ESRRG: variants seen among roughly 807,000 people sequenced by gnomAD.
ESRRG encodes the protein estrogen-related receptor gamma.
ESRRG carries 13 observed loss-of-function variants against 44.0 expected under a neutral mutation model. That is an observed-to-expected ratio of 0.30 (90% CI 0.19 to 0.47). The LOEUF (loss-of-function observed/expected upper bound fraction) is 0.47, where lower values mean the gene tolerates loss of function less well. Ranked by LOEUF, ESRRG falls within the 20% of genes least tolerant of loss-of-function variation. ESRRG has a pLI of 1.00. For synonymous variants in ESRRG, 215 were observed against 214.6 expected (o/e 1.00, Z -0.02); for missense variants, 395 against 580.6 (o/e 0.68, Z 3.29).
At chr1:216,797,055 C>G (rs1031972348) in intron 2 of ESRRG, among the ~76,000 whole-genome samples, 14 of 151,968 alleles carry the variant, frequency 9.2e-5, no homozygotes, top group African/African-American at 3.4e-4. Flanking sequence ...TCACACCTGG[C>G]TAATTTTTGT....
At chr1:216,740,117 C>G (rs1267800494) in intron 2 of ESRRG, among the ~76,000 whole-genome samples, 1 of 152,156 alleles carries the variant, frequency 6.6e-6, no homozygotes, top group Non-Finnish European at 1.5e-5. Context: ...TTTTATCTGG[C>G]TACAGTCCTA....
chr1:216,704,411 G>GGA (rs1175106025), intron 1 of ESRRG, among the ~76,000 whole-genome samples: 3 of 152,102 alleles, frequency 2.0e-5, no homozygotes, highest in Non-Finnish European at 4.4e-5. Flanking sequence ...CAGCTAGTTG[G>GGA]GAGACTGAGG....
intron 2 of ESRRG, among the ~76,000 whole-genome samples, chr1:216,658,279 C>T (rs934867081): frequency 9.9e-5 from 15 of 152,084 alleles, no homozygotes; most frequent in Non-Finnish European, 7.4e-5. Flanking sequence ...AATTACTTAG[C>T]CTTGATTTTT....
rs191739992 is a variant in ESRRG, at chr1:216,675,804, A to G, written c.472+1272T>C. Among the ~76,000 whole-genome samples the G allele has an allele frequency of 8.3e-4, 127 of 152,360 alleles. 1 individual carries two copies. The highest frequency in any genetic ancestry group is 3.0e-3 in the African/African-American group (126 of 41,584). On this transcript the variant is annotated intron_variant, in intron 2 of 6. Coordinates refer to ENST00000408911, the MANE Select transcript of ESRRG (RefSeq NM_001438.4). ...ACTGCACTTTGAGAACTGTTGGCAA[A>G]TAATACAACACAGTACAGTGCAGTG... is the stretch of plus-strand genomic sequence containing the variant.
intron 1 of ESRRG, among the ~76,000 whole-genome samples, chr1:216,987,178 C>G (rs1579097307): frequency 6.6e-6 from 1 of 152,154 alleles, no homozygotes; most frequent in Non-Finnish European, 1.5e-5. Flanking sequence ...TAAAATTTGT[C>G]ATGATTTTCT....
chr1:216,686,142 T>C (rs2077897473), intron 1 of ESRRG: 1 of 152,148 alleles, frequency 6.6e-6, no homozygotes, highest in African/African-American at 2.4e-5. Flanking sequence ...TCTTGGGTGA[T>C]CTATAGCAGA....
intron 1 of ESRRG, among the ~76,000 whole-genome samples, chr1:216,709,341 G>GCGTA (rs1559346901): frequency 2.3e-5 from 1 of 42,770 alleles, no homozygotes; most frequent in Non-Finnish European, 4.9e-5. Context: ...GTGTGTGTGT[G>GCGTA]TGTATATATA....
At chr1:216,694,436 C>T (rs1235997090) in intron 1 of ESRRG, among the ~76,000 whole-genome samples, 2 of 151,972 alleles carry the variant, frequency 1.3e-5, no homozygotes, top group African/African-American at 4.8e-5. Context: ...TATCACACTA[C>T]CTAGATTAGA....
At chr1:216,640,523 G>T (rs185453494) in intron 3 of ESRRG, among the ~76,000 whole-genome samples, 1 of 151,778 alleles carries the variant, frequency 6.6e-6, no homozygotes, top group Non-Finnish European at 1.5e-5. Context: ...GAGAGAAAGC[G>T]AGAGAGGACG....
intron 1 of ESRRG, among the ~76,000 whole-genome samples, chr1:216,969,249 G>A (rs979329333): frequency 2.6e-5 from 4 of 152,122 alleles, no homozygotes; most frequent in African/African-American, 9.7e-5. Flanking sequence ...GAGAATAAAT[G>A]TAAACATAGA....
chr1:216,907,774 T>C (rs531117246), intron 2 of ESRRG, among the ~76,000 whole-genome samples: 1 of 152,142 alleles, frequency 6.6e-6, no homozygotes, highest in South Asian at 2.1e-4. Flanking sequence ...GAGTGTTTGA[T>C]CAGAACAATG....
intron 3 of ESRRG, among the ~76,000 whole-genome samples, chr1:216,604,930 C>T (rs906116045): frequency 6.6e-6 from 1 of 152,164 alleles, no homozygotes; most frequent in African/African-American, 2.4e-5. Context: ...TATTGAAACT[C>T]TAGCCCTCTG....
At chr1:216,970,695 T>C (rs532832231) in intron 1 of ESRRG, among the ~76,000 whole-genome samples, 2 of 152,334 alleles carry the variant, frequency 1.3e-5, no homozygotes, top group Non-Finnish European at 2.9e-5. Context: ...TTTAGAAGTT[T>C]TGACCATCTA....
rs191957639 is a variant in ESRRG at position 216,971,271 on chromosome 1, T to A, written c.-105-31598A>T. ...AGAATCAAAGTGAGATCTATAAGAA[T>A]CATTAGTAATTGGAATGTCCACATT... On this transcript the variant is annotated intron_variant, in intron 1 of 7. Transcript: ENST00000359162. Among the ~76,000 whole-genome samples, 24 of 152,330 alleles carry A rather than the reference T, an allele frequency of 1.6e-4. No homozygotes were observed. In the East Asian group the frequency reaches 4.6e-3, roughly 29 times the overall value.
chr1:216,843,931 G>C (rs2095694983), intron 2 of ESRRG, among the ~76,000 whole-genome samples: 1 of 150,676 alleles, frequency 6.6e-6, no homozygotes, highest in South Asian at 2.1e-4. Context: ...TTTTAATCCA[G>C]ATAGCTTTAA....
chr1:217,128,562 T>C (rs1358125540), intron 1 of ESRRG, among the ~76,000 whole-genome samples: 1 of 152,182 alleles, frequency 6.6e-6, no homozygotes, highest in Non-Finnish European at 1.5e-5. Context: ...TATTTGAAAT[T>C]TCTTGGTAGA....
intron 3 of ESRRG, among the ~76,000 whole-genome samples, chr1:216,639,140 C>T (rs2065886190): frequency 6.6e-6 from 1 of 151,974 alleles, no homozygotes; most frequent in Non-Finnish European, 1.5e-5. Flanking sequence ...TAATGGGAGG[C>T]AGGAGTAGGG....
chr1:216,634,521 T>C (rs538894650), intron 3 of ESRRG, among the ~76,000 whole-genome samples: 15 of 152,178 alleles, frequency 9.9e-5, no homozygotes, highest in African/African-American at 3.4e-4. Flanking sequence ...GAGAAAAAAC[T>C]CAAACAATTT....
chr1:216,745,532 A>G (rs1355321567), intron 2 of ESRRG, among the ~76,000 whole-genome samples: 1 of 151,474 alleles, frequency 6.6e-6, no homozygotes, highest in Non-Finnish European at 1.5e-5. Context: ...ATTTTTCTCT[A>G]TTGCAGACAC....
Sources: gnomAD v4.1 joint callset for allele counts (sites outside exome capture counted in the v4.1 genomes callset) on GRCh38, gnomAD v4.1.1 for gene constraint, MANE v1.5 for transcripts, NCBI Gene and HGNC (gene_info 2026-07-23, HGNC 2026-07-21) for gene names.